The following PHLPP1 variants were observed in gnomAD, a reference collection of about 807,000 sequenced individuals.
PHLPP1 encodes the protein PH domain and leucine rich repeat protein phosphatase 1, also known as PH domain leucine-rich repeat-containing protein phosphatase 1.
A neutral mutation model predicts 117.2 loss-of-function variants in PHLPP1; 42 were observed. The observed-to-expected ratio is 0.36, with a 90% CI of 0.28 to 0.46. PHLPP1 has a LOEUF of 0.46. Ranked by LOEUF, PHLPP1 falls within the 20% of genes least tolerant of loss-of-function variation. The pLI is 1.00. For synonymous variants in PHLPP1, 1,042 were observed against 970.7 expected, an observed-to-expected ratio of 1.07 and a Z score of -1.37; for missense variants, 2,084 against 2,241.9, an observed-to-expected ratio of 0.93 and a Z score of 1.42.
At chr18:62,858,889 T>C (rs1299693154) in intron 3 of PHLPP1, among the ~76,000 whole-genome samples, 2 of 152,200 alleles carry the variant, frequency 1.3e-5, no homozygotes, top group African/African-American at 4.8e-5. Context: ...TGAGTGCTTT[T>C]TCTGTGCCAG....
rs1440958721 is a variant in PHLPP1, at chr18:62,716,876, G to T, written c.1193G>T (p.Gly398Val). 1.3e-6 allele frequency: 2 copies of T among 1,524,518 alleles called. No homozygotes were observed. The highest frequency in any genetic ancestry group is 2.8e-5 in the African/African-American group (2 of 70,996). 94.4% of individuals were successfully genotyped at this position (1,524,518 alleles called of 1,614,324 possible). A position where few individuals can be genotyped will look rare whatever the true frequency, so the allele number is the denominator to read the frequency against. The change falls in exon 1 of 17, where the codon GGC becomes GTC. Residue 398 changes from glycine (G) to valine (V), a missense_variant. Coordinates refer to ENST00000262719, the MANE Select transcript of PHLPP1 (RefSeq NM_194449.4). This position sits in a 1 kb window ranked among gnomAD's most constrained non-coding sequence, Gnocchi z 5.7. ...GTCCCGGGCCAGCCCCGCCGTCCCG[G>T]CCACCCCGCGCAGCCCCTCCCGCTT... ...TGVPGQPRRP[G>V]HPAQPLPLPQ...
intron 7 of PHLPP1, among the ~76,000 whole-genome samples, chr18:62,904,402 T>G (rs1916796173): frequency 6.6e-6 from 1 of 152,214 alleles, no homozygotes; most frequent in Non-Finnish European, 1.5e-5. Flanking sequence ...GCAGTTAATG[T>G]GAAAATAGTG....
chr18:62,758,825 A>G (rs1304717754), intron 1 of PHLPP1, among the ~76,000 whole-genome samples: 2 of 152,244 alleles, frequency 1.3e-5, no homozygotes, highest in African/African-American at 4.8e-5. Flanking sequence ...CTTCCTTTTA[A>G]GGATAATGAA....
At chr18:62,750,894 T>G (rs1194128770) in intron 1 of PHLPP1, among the ~76,000 whole-genome samples, 1 of 152,188 alleles carries the variant, frequency 6.6e-6, no homozygotes, top group Admixed American at 6.5e-5. Flanking sequence ...AGGATTCAAG[T>G]ACAATAGAGA....
Position 62,715,638 on chromosome 18 carries a change from G to C in PHLPP1, c.-46G>C, listed in dbSNP as rs558200606. The C allele has an allele frequency of 2.1e-4, 263 of 1,237,740 alleles. No individual in the cohort carries two copies. The African/African-American group carries it at 3.7e-3, about 18-fold the overall frequency. 76.7% of individuals were successfully genotyped at this position (1,237,740 alleles called of 1,614,324 possible). A position where few individuals can be genotyped will look rare whatever the true frequency, so the allele number is the denominator to read the frequency against. ...CCTCCGCCTCATCGCCTCCCTCTCC[G>C]CCCGCTGCCTCCGGAGCTGGGGGGG... is the stretch of plus-strand genomic sequence containing the variant. On this transcript the variant is annotated 5_prime_UTR_variant, in exon 1 of 17. Transcript: ENST00000262719.
chr18:62,894,985 C>T (rs1397761639), intron 4 of PHLPP1, 26 bp from the exon 5 acceptor site: 19 of 1,542,490 alleles, frequency 1.2e-5, no homozygotes, highest in Admixed American at 1.2e-4. Flanking sequence ...CTCTTTTTTC[C>T]CTTTTGTTTT....
At chr18:62,725,831 A>G (rs1177104449) in intron 1 of PHLPP1, among the ~76,000 whole-genome samples, 1 of 152,238 alleles carries the variant, frequency 6.6e-6, no homozygotes, top group Non-Finnish European at 1.5e-5. Context: ...TACTAAGTCA[A>G]TTAATTCCCC....
At chr18:62,788,836 G>T (rs890508671) in intron 1 of PHLPP1, among the ~76,000 whole-genome samples, 1 of 151,896 alleles carries the variant, frequency 6.6e-6, no homozygotes, top group Non-Finnish European at 1.5e-5. Flanking sequence ...TTATATCTTA[G>T]GTTCTTTCAT....
chr18:62,795,550 T>C (rs969176063), intron 1 of PHLPP1, among the ~76,000 whole-genome samples: 2 of 150,712 alleles, frequency 1.3e-5, no homozygotes, highest in South Asian at 2.1e-4. Context: ...CTTAACTCAC[T>C]GGTCACTCAG....
chr18:62,978,808 C>T lies in PHLPP1; in HGVS notation c.4531C>T (p.Pro1511Ser). Residue 1511 changes from proline to serine, a missense_variant, in exon 17 of 17, where the codon CCC becomes TCC. Transcript: ENST00000262719. This position sits in a 1 kb window ranked among gnomAD's most constrained non-coding sequence, Gnocchi z 7.0. Reference protein sequence around the residue: ...GALSENSPAYPSEQRCMLHPI... With the variant: ...GALSENSPAYSSEQRCMLHPI... ...CCTAAGCGAGAACAGCCCTGCCTAC[C>T]CCAGTGAGCAGCGCTGCATGCTCCA... 6.2e-7 allele frequency: 1 copy of T among 1,611,580 alleles called. No individual in the cohort carries two copies. Among genetic ancestry groups the T allele is most frequent in the Non-Finnish European group, 8.5e-7 (1 of 1,178,956 alleles).
chr18:62,979,454 T>TA lies in PHLPP1; in HGVS notation c.*26dup. On this transcript the variant is annotated 3_prime_UTR_variant, in exon 17 of 17. Transcript: ENST00000262719. ...TGACCCAGCCGAGCTGTTTAACAAA[T>TA]AAACTAACCACAAAAGACTGAGTTG... 5 of 1,545,176 alleles carry TA rather than the reference T, an allele frequency of 3.2e-6. No individual in the cohort carries two copies. The highest frequency in any genetic ancestry group is 4.4e-6 in the Non-Finnish European group (5 of 1,143,070).
chr18:62,849,797 C>CAAAAAAAAAAAA (rs1159265423), intron 3 of PHLPP1, among the ~76,000 whole-genome samples: 1 of 7,396 alleles, frequency 1.4e-4, no homozygotes, highest in Non-Finnish European at 2.4e-4. Context: ...CCTGTCTCTA[C>CAAAAAAAAAAAA]AAAAAAAAAA....
intron 6 of PHLPP1, among the ~76,000 whole-genome samples, chr18:62,900,434 T>TTG (rs1916690624): frequency 5.5e-5 from 1 of 18,148 alleles, no homozygotes; most frequent in African/African-American, 1.7e-4. Flanking sequence ...TTTTTCTTTC[T>TTG]TTTTTTTTTT....
intron 3 of PHLPP1, among the ~76,000 whole-genome samples, chr18:62,849,832 A>AAAAAAATATATATATATATAT (rs1555677083): frequency 3.0e-5 from 1 of 33,084 alleles, no homozygotes; most frequent in Non-Finnish European, 5.3e-5. Flanking sequence ...AAAAAAAAAA[A>AAAAAAATATATATATATATAT]ATATATATAT....
chr18:62,796,574 A>G (rs1187571845), intron 1 of PHLPP1, among the ~76,000 whole-genome samples: 1 of 152,220 alleles, frequency 6.6e-6, no homozygotes, highest in Non-Finnish European at 1.5e-5. Context: ...TAGTTTATGA[A>G]CTTGGCCGAA....
chr18:62,792,972 C>T (rs893694516), intron 1 of PHLPP1, among the ~76,000 whole-genome samples: 1 of 150,554 alleles, frequency 6.6e-6, no homozygotes, highest in Non-Finnish European at 1.5e-5. Flanking sequence ...GTTGGGAGTT[C>T]GAGACCAGCC....
chr18:62,748,212 TA>T (rs1911735194), intron 1 of PHLPP1, among the ~76,000 whole-genome samples: 1 of 152,098 alleles, frequency 6.6e-6, no homozygotes, highest in African/African-American at 2.4e-5. Context: ...GCTATGTTGA[TA>T]AATAGCAGGC....
chr18:62,940,916 C>G (rs1369449003), intron 10 of PHLPP1, among the ~76,000 whole-genome samples: 2 of 152,174 alleles, frequency 1.3e-5, no homozygotes, highest in East Asian at 3.8e-4. Flanking sequence ...CCCTCCCCAC[C>G]TAAGAGTTAC....
At chr18:62,900,312 T>A (rs1599110587) in intron 6 of PHLPP1, among the ~76,000 whole-genome samples, 1 of 17,296 alleles carries the variant, frequency 5.8e-5, no homozygotes, top group African/African-American at 1.9e-4. Context: ...AATAAATAAA[T>A]AAATAAATAA....
Sources: allele counts gnomAD v4.1 joint callset (sites outside exome capture counted in the v4.1 genomes callset), GRCh38; gene constraint gnomAD v4.1.1; non-coding constraint Gnocchi (gnomAD v3.1); transcripts MANE v1.5; gene names NCBI Gene and HGNC (gene_info 2026-07-23, HGNC 2026-07-21).